DLG2: variants seen among roughly 807,000 people sequenced by gnomAD.
DLG2 encodes discs large MAGUK scaffold protein 2, also known as disks large homolog 2.
In DLG2, 45 loss-of-function variants were observed where a neutral mutation model predicts 132.5. That is an observed-to-expected ratio of 0.34 (90% CI 0.27 to 0.44). The LOEUF (loss-of-function observed/expected upper bound fraction) is 0.44, where lower values mean the gene tolerates loss of function less well. DLG2 is among the 20% of genes least tolerant of loss of function. The pLI is 1.00. For missense variants in DLG2, 1,045 were observed against 1,196.9 expected (o/e 0.87, Z 1.87); for synonymous variants, 424 against 419.6 (o/e 1.01, Z -0.13).
chr11:83,468,075 A>C (rs2091459002), intron 25 of DLG2, among the ~76,000 whole-genome samples: 1 of 152,004 alleles, frequency 6.6e-6, no homozygotes, highest in South Asian at 2.1e-4. Flanking sequence ...TCCTGGAGAG[A>C]AATGTCCTCA....
At chr11:84,050,543 T>C (rs1025428379) in intron 11 of DLG2, among the ~76,000 whole-genome samples, 1 of 152,056 alleles carries the variant, frequency 6.6e-6, no homozygotes, top group African/African-American at 2.4e-5. Context: ...TTTGTCAATT[T>C]TGACTTTTGT....
rs2078753821 is a variant in DLG2, at chr11:85,289,376, T to TA, written c.41-4012dup. 2.6e-5 allele frequency among the ~76,000 whole-genome samples: 4 copies of TA among 152,244 alleles called. No individual in the cohort carries two copies. The South Asian group carries it at 8.3e-4, about 32-fold the overall frequency. On this transcript the variant is annotated intron_variant, in intron 3 of 27. Transcript: ENST00000376104. ...AGGCCCAGATCCCCCTTCCCACACTTAGAAATCCTCCTTCTCCTTCAATGC... is the reference window on the plus strand; with the variant it reads ...AGGCCCAGATCCCCCTTCCCACACTTAAGAAATCCTCCTTCTCCTTCAATGC...
At position 84,612,566 on chromosome 11, in the gene DLG2, T is replaced by C. The variant is rs544018245; in HGVS notation, c.358-77835A>G. Among the ~76,000 whole-genome samples the C allele has an allele frequency of 2.0e-5, 3 of 152,286 alleles. No individual in the cohort carries two copies. The South Asian group carries it at 6.2e-4, about 32-fold the overall frequency. ...AATGTAAGATTTAAACATAGCCATA[T>C]GAAAATGAAAATAAGAAAATACATT... On this transcript the variant is annotated intron_variant, in intron 6 of 27. Transcript: ENST00000376104.
At chr11:83,993,532 A>T (rs889960629) in intron 11 of DLG2, among the ~76,000 whole-genome samples, 1 of 152,146 alleles carries the variant, frequency 6.6e-6, no homozygotes, top group Non-Finnish European at 1.5e-5. Context: ...ATCATTGACC[A>T]AATTGTTTTC....
chr11:85,532,320 C>G (rs1329188631), intron 3 of DLG2, among the ~76,000 whole-genome samples: 1 of 152,194 alleles, frequency 6.6e-6, no homozygotes, highest in East Asian at 1.9e-4. Flanking sequence ...GGAACTGGCT[C>G]TAGCAGAGCT....
intron 7 of DLG2, among the ~76,000 whole-genome samples, chr11:84,304,585 A>T (rs951502901): frequency 2.0e-5 from 3 of 152,218 alleles, no homozygotes; most frequent in Non-Finnish European, 4.4e-5. Flanking sequence ...AGTTTCTATC[A>T]CAACTATTCA....
chr11:83,536,670 C>G (rs937562724), intron 20 of DLG2, among the ~76,000 whole-genome samples: 3 of 151,766 alleles, frequency 2.0e-5, no homozygotes, highest in African/African-American at 7.3e-5. Flanking sequence ...AGCACTTCAC[C>G]TATAATAGCT....
chr11:85,138,856 G>C (rs879626509), intron 5 of DLG2, among the ~76,000 whole-genome samples: 1 of 150,800 alleles, frequency 6.6e-6, no homozygotes, highest in Admixed American at 6.6e-5. Context: ...CCAGTCTCGG[G>C]TATGTCTTTA....
chr11:84,817,905 GTCT>G (rs1232649758), intron 6 of DLG2, among the ~76,000 whole-genome samples: 1 of 151,786 alleles, frequency 6.6e-6, no homozygotes, highest in East Asian at 1.9e-4. Context: ...ATAGGAAGAG[GTCT>G]TCTTCTGAGA....
intron 3 of DLG2, among the ~76,000 whole-genome samples, chr11:85,582,622 G>A (rs370070628): frequency 3.5e-5 from 4 of 113,774 alleles, no homozygotes; most frequent in Admixed American, 2.5e-4. Flanking sequence ...TCAGGAGTTC[G>A]AGACCAGCCT....
At chr11:85,188,892 G>T (rs1250138113) in intron 4 of DLG2, among the ~76,000 whole-genome samples, 3 of 152,038 alleles carry the variant, frequency 2.0e-5, no homozygotes, top group Non-Finnish European at 4.4e-5. Context: ...CAAGTAACGG[G>T]AGTCCCAAAA....
At chr11:84,444,159 G>A (rs1413666780) in intron 7 of DLG2, among the ~76,000 whole-genome samples, 1 of 152,046 alleles carries the variant, frequency 6.6e-6, no homozygotes, top group Non-Finnish European at 1.5e-5. Flanking sequence ...GGAGCTGAAT[G>A]ATGAGAACAC....
intron 3 of DLG2, among the ~76,000 whole-genome samples, chr11:85,328,706 A>T (rs574100086): frequency 6.6e-6 from 1 of 151,718 alleles, no homozygotes; most frequent in South Asian, 2.1e-4. Context: ...TCCCTTTGAA[A>T]ACCGGCACAA....
intron 21 of DLG2, among the ~76,000 whole-genome samples, chr11:83,513,238 A>G (rs1018686845): frequency 6.6e-6 from 1 of 152,162 alleles, no homozygotes; most frequent in Non-Finnish European, 1.5e-5. Context: ...CTGGTGTGAG[A>G]TGGTATCTCA....
chr11:85,054,327 C>A (rs2063234619), intron 6 of DLG2, among the ~76,000 whole-genome samples: 1 of 151,524 alleles, frequency 6.6e-6, no homozygotes, highest in East Asian at 1.9e-4. Flanking sequence ...GAAATACTAT[C>A]TCATACCAGT....
intron 6 of DLG2, among the ~76,000 whole-genome samples, chr11:85,057,936 G>C (rs1175678412): frequency 6.6e-6 from 1 of 151,150 alleles, no homozygotes; most frequent in Admixed American, 6.6e-5. Context: ...AGAACAAAAG[G>C]GAATGACTTT....
At chr11:84,148,054 C>T (rs990555187) in intron 9 of DLG2, among the ~76,000 whole-genome samples, 8 of 151,982 alleles carry the variant, frequency 5.3e-5, no homozygotes, top group African/African-American at 9.7e-5. Context: ...AAGTAATGAA[C>T]GGTCATTCAG....
intron 6 of DLG2, among the ~76,000 whole-genome samples, chr11:85,083,138 T>C (rs2067460049): frequency 6.6e-6 from 1 of 152,086 alleles, no homozygotes; most frequent in Non-Finnish European, 1.5e-5. Flanking sequence ...TCCATAATCA[T>C]GGAAGCAGGA....
intron 10 of DLG2, among the ~76,000 whole-genome samples, chr11:84,067,595 G>A (rs2096698398): frequency 6.6e-6 from 1 of 151,120 alleles, no homozygotes; most frequent in Non-Finnish European, 1.5e-5. Context: ...AACACAGGCT[G>A]ACTCAAATGA....
Sources: gnomAD v4.1 joint callset for allele counts (sites outside exome capture counted in the v4.1 genomes callset) on GRCh38, gnomAD v4.1.1 for gene constraint, MANE v1.5 for transcripts, NCBI Gene and HGNC (gene_info 2026-07-23, HGNC 2026-07-21) for gene names.